Variants in KIAA1217 observed in about 807,000 individuals in gnomAD.
The protein encoded by KIAA1217 is KIAA1217, also known as sickle tail protein homolog.
Under a neutral mutation model 163.9 loss-of-function variants are expected in KIAA1217, and 88 were observed. The ratio of observed to expected loss-of-function variants is 0.54; its 90% confidence interval spans 0.45 to 0.64. The LOEUF is 0.64. KIAA1217 is among the 30% of genes least tolerant of loss of function. The pLI is 0.00. For synonymous variants in KIAA1217, 903 were observed against 923.1 expected (o/e 0.98, Z 0.39); for missense variants, 2,372 against 2,475.0 (o/e 0.96, Z 0.88).
At chr10:23,955,404 C>A (rs2131363047) in intron 1 of KIAA1217, among the ~76,000 whole-genome samples, 1 of 152,350 alleles carries the variant, frequency 6.6e-6, no homozygotes. Flanking sequence ...AAGAAGCAAT[C>A]TAACTTGGGA....
At chr10:23,947,361 C>T (rs1034027550) in intron 1 of KIAA1217, among the ~76,000 whole-genome samples, 5 of 152,280 alleles carry the variant, frequency 3.3e-5, no homozygotes, top group African/African-American at 1.2e-4. Flanking sequence ...TTATGACTTT[C>T]AGCAGTAAGT....
At chr10:24,470,398 C>T (rs2063381426) in intron 5 of KIAA1217, among the ~76,000 whole-genome samples, 1 of 152,158 alleles carries the variant, frequency 6.6e-6, no homozygotes, top group Admixed American at 6.5e-5. Flanking sequence ...ATGAGGGTGT[C>T]CAATGAGCAG....
intron 2 of KIAA1217, among the ~76,000 whole-genome samples, chr10:24,246,994 C>A: frequency 6.7e-6 from 1 of 149,784 alleles, no homozygotes; most frequent in Non-Finnish European, 1.5e-5. Context: ...GCCTAGGTGA[C>A]AGAGCAAGGC....
chr10:24,064,795 C>G lies in KIAA1217; in HGVS notation c.-171+57421C>G, dbSNP rs543896770. ...CTGGACTGTTTTTGGTTAGTAAGCT[C>G]TTAATTATTGCCCCAATTTCAGAGC... On this transcript the variant is annotated intron_variant, in intron 2 of 18. Coordinates refer to the KIAA1217 transcript ENST00000376462. Among the ~76,000 whole-genome samples, 16 of 152,126 alleles carry G rather than the reference C, an allele frequency of 1.1e-4. No individual in the cohort carries two copies. In the South Asian group the frequency reaches 3.3e-3, roughly 32 times the overall value.
chr10:24,141,229 C>CG (rs1436412655), intron 2 of KIAA1217, among the ~76,000 whole-genome samples: 1 of 120,736 alleles, frequency 8.3e-6, no homozygotes, highest in Non-Finnish European at 1.8e-5. Context: ...GAATAAACCC[C>CG]CCCCCCCCAT....
intron 1 of KIAA1217, among the ~76,000 whole-genome samples, chr10:23,937,489 C>T (rs576808924): frequency 1.7e-4 from 26 of 152,236 alleles, no homozygotes; most frequent in South Asian, 6.2e-4. Flanking sequence ...GATATACATC[C>T]GGCAGTACTG....
chr10:24,444,264 G>A (rs756728891), intron 5 of KIAA1217, among the ~76,000 whole-genome samples: 6 of 152,066 alleles, frequency 3.9e-5, no homozygotes, highest in Admixed American at 6.6e-5. Context: ...CACCCGCCTC[G>A]GCCTCCTAAA....
chr10:24,380,621 T>C (rs2053170352), intron 2 of KIAA1217, among the ~76,000 whole-genome samples: 1 of 126,378 alleles, frequency 7.9e-6, no homozygotes, highest in African/African-American at 3.4e-5. Context: ...TGGCAATAAA[T>C]AAATAAATAA....
intron 3 of KIAA1217, among the ~76,000 whole-genome samples, chr10:24,383,785 T>A (rs2053630207): frequency 1.3e-5 from 2 of 152,334 alleles, no homozygotes; most frequent in Admixed American, 1.3e-4. Context: ...GATGTTGCCC[T>A]TGACCGCCTC....
intron 3 of KIAA1217, among the ~76,000 whole-genome samples, chr10:24,399,688 G>A (rs1464243105): frequency 1.3e-5 from 2 of 152,136 alleles, no homozygotes; most frequent in Non-Finnish European, 2.9e-5. Flanking sequence ...ATGTGAGGTT[G>A]AATGTGGATA....
intron 2 of KIAA1217, among the ~76,000 whole-genome samples, chr10:24,306,422 C>T (rs963754712): frequency 6.6e-6 from 1 of 152,196 alleles, no homozygotes; most frequent in Non-Finnish European, 1.5e-5. Flanking sequence ...AGAAACCCAA[C>T]AGGCTACTCT....
intron 1 of KIAA1217, among the ~76,000 whole-genome samples, chr10:23,783,840 T>C (rs999218479): frequency 2.0e-5 from 3 of 152,166 alleles, no homozygotes; most frequent in Non-Finnish European, 2.9e-5. Context: ...TTATCCATTT[T>C]CTTGACAGGT....
At chr10:24,072,959 G>T (rs2061238219) in intron 2 of KIAA1217, among the ~76,000 whole-genome samples, 1 of 151,860 alleles carries the variant, frequency 6.6e-6, no homozygotes, top group Non-Finnish European at 1.5e-5. Context: ...TCAGGAGGCT[G>T]CAGTGGGAGC....
At chr10:24,177,185 C>G (rs977904086) in intron 2 of KIAA1217, among the ~76,000 whole-genome samples, 1 of 147,258 alleles carries the variant, frequency 6.8e-6, no homozygotes, top group Admixed American at 6.9e-5. Flanking sequence ...CAAGCATGAC[C>G]AGAGTGGACG....
At chr10:24,493,238 C>T (rs1328772433) in intron 6 of KIAA1217, among the ~76,000 whole-genome samples, 5 of 152,202 alleles carry the variant, frequency 3.3e-5, no homozygotes, top group Non-Finnish European at 7.3e-5. Flanking sequence ...ATGGGAATCC[C>T]CACCACTCAC....
chr10:24,300,839 G>A (rs2041235033), intron 2 of KIAA1217, among the ~76,000 whole-genome samples: 1 of 152,114 alleles, frequency 6.6e-6, no homozygotes. Flanking sequence ...TGAGACAAGA[G>A]TCTCACTCTG....
At chr10:24,228,203 A>T (rs2070861807) in intron 2 of KIAA1217, among the ~76,000 whole-genome samples, 1 of 152,078 alleles carries the variant, frequency 6.6e-6, no homozygotes, top group Non-Finnish European at 1.5e-5. Flanking sequence ...TCAAGGCTGC[A>T]GTGAGCTGTG....
chr10:24,024,377 A>G (rs1847856882), intron 2 of KIAA1217, among the ~76,000 whole-genome samples: 1 of 151,652 alleles, frequency 6.6e-6, no homozygotes, highest in African/African-American at 2.4e-5. Context: ...TTTCCCTCAT[A>G]ACAATACTTT....
At chr10:23,927,842 G>A (rs1843091356) in intron 1 of KIAA1217, among the ~76,000 whole-genome samples, 2 of 152,226 alleles carry the variant, frequency 1.3e-5, no homozygotes, top group South Asian at 2.1e-4. Context: ...ACTAGTGCGC[G>A]ATAAACCAAA....
Sources: gnomAD v4.1 joint callset for allele counts (sites outside exome capture counted in the v4.1 genomes callset) on GRCh38, gnomAD v4.1.1 for gene constraint, MANE v1.5 for transcripts, NCBI Gene and HGNC (gene_info 2026-07-23, HGNC 2026-07-21) for gene names.